The following PODXL variants were observed in gnomAD, a reference collection of about 807,000 sequenced individuals.
PODXL encodes podocalyxin like.
PODXL carries 20 observed loss-of-function variants against 48.9 expected under a neutral mutation model. The observed-to-expected ratio is 0.41, with a 90% CI of 0.29 to 0.59. The LOEUF (loss-of-function observed/expected upper bound fraction) is 0.59. Ranked by LOEUF, PODXL falls within the 20% of genes least tolerant of loss-of-function variation. PODXL has a pLI of 0.31. For missense variants in PODXL, 606 were observed against 675.1 expected (o/e 0.90, Z 1.13); for synonymous variants, 295 against 287.4 (o/e 1.03, Z -0.27).
Position 131,556,275 on chromosome 7 carries a change from AC to A in PODXL, c.84del (p.Ser29ArgfsTer138). 1 of 780,528 alleles carries A rather than the reference AC, an allele frequency of 1.3e-6. No individual in the cohort carries two copies. The highest frequency in any genetic ancestry group is 1.6e-6 in the Non-Finnish European group (1 of 617,622). The allele number at this position is 780,528 out of a possible 1,614,324, so 48.4% of individuals were successfully genotyped here. A position where few individuals can be genotyped will look rare whatever the true frequency, so the allele number is the denominator to read the frequency against. ...PLLPSSPSPS[P>X]SPSQNATQTT... ...GGCCACTCACCATTCTGGGAGGGCG[AC>A]GGCGACGGCGACGGCGACGACGGCA... On this transcript the variant is annotated frameshift_variant, in exon 1 of 9. Coordinates refer to ENST00000378555, the MANE Select transcript of PODXL (RefSeq NM_001018111.3). LOFTEE classifies it high-confidence loss of function.
chr7:131,524,376 A>ACG (rs1419336519), intron 1 of PODXL, among the ~76,000 whole-genome samples: 9 of 110,090 alleles, frequency 8.2e-5, no homozygotes, highest in African/African-American at 4.2e-4. Flanking sequence ...ACACACACAC[A>ACG]CACAGAGAGA....
chr7:131,516,729 T>A (rs1201592308), intron 1 of PODXL, among the ~76,000 whole-genome samples: 3 of 81,448 alleles, frequency 3.7e-5, no homozygotes, highest in Non-Finnish European at 7.5e-5. Flanking sequence ...GTGGTGCTTT[T>A]TTTTCTCTTT....
rs1234757070 is a variant in PODXL, at chr7:131,556,345, C to T, written c.15G>A (p.Leu5=). Residue 5 remains leucine (L), a synonymous_variant, in exon 1 of 9, where the codon CTG becomes CTA. Coordinates refer to ENST00000378555, the MANE Select transcript of PODXL (RefSeq NM_001018111.3). The part of the protein sequence containing the change: MRCA[L]ALSALLLLLS... ...ACAGTAGCAGCAGCGCCGAGAGCGC[C>T]AGCGCGCAGCGCATCGTGTCGTCGC... The T allele has an allele frequency of 6.9e-7, 1 of 1,447,898 alleles. No individual in the cohort carries two copies. The allele number at this position is 1,447,898 out of a possible 1,614,324, so 89.7% of individuals were successfully genotyped here.
At chr7:131,550,811 G>A (rs765432740) in intron 1 of PODXL, among the ~76,000 whole-genome samples, 7 of 151,792 alleles carry the variant, frequency 4.6e-5, no homozygotes, top group Admixed American at 2.0e-4. Context: ...GCACACACAC[G>A]TGTGCACACC....
chr7:131,511,390 A>G lies in PODXL; in HGVS notation c.144T>C (p.Thr48=), dbSNP rs1217753604. The change falls in exon 2 of 9, where the codon ACT becomes ACC. Residue 48 remains threonine, a synonymous_variant. Coordinates refer to ENST00000378555, the MANE Select transcript of PODXL (RefSeq NM_001018111.3). The part of the protein sequence containing the change: ...TTDSSNKTAP[T]PASSVTIMAT... ...CCATGATGGTGACACTGGATGCTGG[A>G]GTCGGTGCTGTTTTGTTAGATGAGT... 6.2e-7 allele frequency: 1 copy of G among 1,604,434 alleles called. No individual in the cohort carries two copies. The highest frequency in any genetic ancestry group is 8.5e-7 in the Non-Finnish European group (1 of 1,179,832).
At chr7:131,551,836 C>G (rs1395891492) in intron 1 of PODXL, among the ~76,000 whole-genome samples, 1 of 151,662 alleles carries the variant, frequency 6.6e-6, no homozygotes, top group Non-Finnish European at 1.5e-5. Flanking sequence ...ATTCGGGAGG[C>G]TGAGGCAGGA....
Position 131,511,362 on chromosome 7 carries a change from T to C in PODXL, c.172A>G (p.Thr58Ala), listed in dbSNP as rs760173831. 3 of 1,610,144 alleles carry C rather than the reference T, an allele frequency of 1.9e-6. No homozygotes were observed. Among genetic ancestry groups the C allele is most frequent in the Admixed American group, 3.3e-5 (2 of 60,022 alleles). Residue 58 changes from threonine (T) to alanine (A), a missense_variant, in exon 2 of 9, where the codon ACA becomes GCA. Transcript: ENST00000378555. ...TPASSVTIMA[T>A]DTAQQSTVPT... is the part of the protein sequence containing the mutation. ...ACTGTGCTCTGCTGGGCTGTATCTG[T>C]AGCCATGATGGTGACACTGGATGCT...
Position 131,556,374 on chromosome 7 carries a change from T to A in PODXL, c.-15A>T. 1 of 1,382,416 alleles carries A rather than the reference T, an allele frequency of 7.2e-7. No homozygotes were observed. The highest frequency in any genetic ancestry group is 9.4e-7 in the Non-Finnish European group (1 of 1,068,118). The allele number at this position is 1,382,416 out of a possible 1,614,324, so 85.6% of individuals were successfully genotyped here. On this transcript the variant is annotated 5_prime_UTR_variant, in exon 1 of 9. Coordinates refer to ENST00000378555, the MANE Select transcript of PODXL (RefSeq NM_001018111.3). ...GCGCAGCGCATCGTGTCGTCGCCTC[T>A]GGGCCGGGAGCAGGTGGCTGCGGTG...
chr7:131,514,106 C>A (rs1343966045), intron 1 of PODXL, among the ~76,000 whole-genome samples: 1 of 152,154 alleles, frequency 6.6e-6, no homozygotes, highest in Non-Finnish European at 1.5e-5. Context: ...GAAAGGCACA[C>A]TCACCAAATG....
In PODXL at chr7:131,510,243, C is replaced by T; in HGVS notation, c.795G>A (p.Gly265=). 1 of 440,326 alleles carries T rather than the reference C, an allele frequency of 2.3e-6. No individual in the cohort carries two copies. Among genetic ancestry groups the T allele is most frequent in the South Asian group, 1.6e-5 (1 of 63,370 alleles). 27.3% of individuals were successfully genotyped at this position (440,326 alleles called of 1,614,324 possible). A position where few individuals can be genotyped will look rare whatever the true frequency, so the allele number is the denominator to read the frequency against. Residue 265 remains glycine (G), a synonymous_variant, in exon 3 of 9, where the codon GGG becomes GGA. Coordinates refer to ENST00000378555, the MANE Select transcript of PODXL (RefSeq NM_001018111.3). ...GGGCATGGTGGCTCATACCTGTAATCCCAGCACTTTGGGAGGCCAAGGTGG... is the reference window on the plus strand; with the variant it reads ...GGGCATGGTGGCTCATACCTGTAATTCCAGCACTTTGGGAGGCCAAGGTGG... ...DLPTLASQSA[G]ITASSVISQR... is the part of the protein sequence containing the mutation.
At chr7:131,505,733 CAG>C (rs1361864414) in intron 8 of PODXL, 133 bp downstream of exon 8, 2 of 767,196 alleles carry the variant, frequency 2.6e-6, no homozygotes, top group African/African-American at 3.5e-5. Context: ...GGCTGCCTAT[CAG>C]GGGTGGCCTC....
chr7:131,551,673 A>G lies in PODXL; in HGVS notation c.100+4587T>C, dbSNP rs537638572. Among the ~76,000 whole-genome samples the G allele has an allele frequency of 3.8e-4, 57 of 151,332 alleles. 1 individual carries two copies. Among genetic ancestry groups the G allele is most frequent in the African/African-American group, 1.3e-3 (55 of 41,176 alleles). On this transcript the variant is annotated intron_variant, in intron 1 of 8. Coordinates refer to ENST00000378555, the MANE Select transcript of PODXL (RefSeq NM_001018111.3). Reference sequence around the variant, plus strand: ...GGCTCTGAGCTGGGTGCGGTGGCTCATGCCTGTGATCCCAGCACTTTGGGA... The same window carrying G: ...GGCTCTGAGCTGGGTGCGGTGGCTCGTGCCTGTGATCCCAGCACTTTGGGA...
chr7:131,540,979 C>T (rs1335769537), intron 1 of PODXL, among the ~76,000 whole-genome samples: 1 of 152,216 alleles, frequency 6.6e-6, no homozygotes, highest in Non-Finnish European at 1.5e-5. Flanking sequence ...GTTAAGGCAG[C>T]AAGTTCAGCT....
intron 1 of PODXL, among the ~76,000 whole-genome samples, chr7:131,527,300 A>G (rs1400940726): frequency 4.6e-5 from 7 of 152,240 alleles, no homozygotes; most frequent in Non-Finnish European, 1.0e-4. Flanking sequence ...TCTAAAGAAT[A>G]ATATTAGGCA....
chr7:131,537,684 G>C (rs1022266113), intron 1 of PODXL, among the ~76,000 whole-genome samples: 10 of 145,770 alleles, frequency 6.9e-5, no homozygotes, highest in African/African-American at 2.6e-4. Flanking sequence ...ACCAGCACCA[G>C]ATGGTGAAAC....
intron 1 of PODXL, among the ~76,000 whole-genome samples, chr7:131,548,034 GAC>G (rs1428897450): frequency 3.0e-4 from 46 of 152,230 alleles, no homozygotes; most frequent in African/African-American, 8.9e-4. Context: ...GGGGTCCTGG[GAC>G]ACCTCGGATC....
intron 1 of PODXL, among the ~76,000 whole-genome samples, chr7:131,530,127 G>A (rs1001904808): frequency 5.3e-5 from 8 of 152,092 alleles, no homozygotes; most frequent in South Asian, 2.1e-4. Flanking sequence ...TTGCAGGTTC[G>A]GCCAGGTTGA....
At chr7:131,523,762 A>AGAT (rs944465697) in intron 1 of PODXL, among the ~76,000 whole-genome samples, 1 of 151,664 alleles carries the variant, frequency 6.6e-6, no homozygotes, top group African/African-American at 2.4e-5. Context: ...ACTCCATACA[A>AGAT]GATTATTTTT....
intron 1 of PODXL, among the ~76,000 whole-genome samples, chr7:131,547,011 A>G (rs990111810): frequency 6.6e-6 from 1 of 152,210 alleles, no homozygotes; most frequent in Admixed American, 6.5e-5. Context: ...CTGCTCTAGC[A>G]TGGCGTTGGG....
Sources: gnomAD v4.1 joint callset for allele counts (sites outside exome capture counted in the v4.1 genomes callset) on GRCh38, gnomAD v4.1.1 for gene constraint, MANE v1.5 for transcripts, NCBI Gene and HGNC (gene_info 2026-07-23, HGNC 2026-07-21) for gene names.